The following WWOX variants were observed in gnomAD, a reference collection of about 807,000 sequenced individuals.
The protein encoded by WWOX is WW domain-containing oxidoreductase.
In WWOX, 69 loss-of-function variants were observed where a neutral mutation model predicts 46.2. The ratio of observed to expected loss-of-function variants is 1.49; its 90% CI spans 1.23 to 1.82. The LOEUF (loss-of-function observed/expected upper bound fraction) is 1.82, where lower values mean the gene tolerates loss of function less well. WWOX is among the 40% of genes most tolerant of loss of function. The pLI, the probability that WWOX is intolerant of heterozygous loss-of-function variation, is 0.00. For missense variants in WWOX, 919 were observed against 542.6 expected, an observed-to-expected ratio of 1.69 and a Z score of -6.89; for synonymous variants, 359 against 202.6, an observed-to-expected ratio of 1.77 and a Z score of -6.56.
At chr16:78,995,327 T>C (rs2046968606) in intron 8 of WWOX, among the ~76,000 whole-genome samples, 1 of 151,982 alleles carries the variant, frequency 6.6e-6, no homozygotes, top group South Asian at 2.1e-4. Flanking sequence ...TTCCCTCCCC[T>C]CTCCTGCCTA....
intron 6 of WWOX, among the ~76,000 whole-genome samples, chr16:78,417,766 T>A (rs756517900): frequency 1.2e-4 from 18 of 152,310 alleles, no homozygotes; most frequent in Non-Finnish European, 1.9e-4. Flanking sequence ...GATTTCTGCC[T>A]ATCTCTTCAC....
chr16:79,166,552 T>G (rs2050598479), intron 8 of WWOX, among the ~76,000 whole-genome samples: 1 of 152,184 alleles, frequency 6.6e-6, no homozygotes, highest in African/African-American at 2.4e-5. Flanking sequence ...AACAGCACAA[T>G]TGTTAGGTAG....
rs116695259 is a variant in WWOX at position 78,109,448 on chromosome 16, G to C, written c.173-330G>C. ...ATGAGGTCAGCGTATGAATGACGTT[G>C]GGTGCCTGCCCTGCATATACATATG... On this transcript the variant is annotated intron_variant, in intron 2 of 8. Transcript: ENST00000566780. Among the ~76,000 whole-genome samples the C allele has an allele frequency of 3.1e-3, 475 of 152,310 alleles. 5 individuals are homozygous for C. Among genetic ancestry groups the C allele is most frequent in the African/African-American group, 0.011 (441 of 41,564 alleles).
At position 78,130,167 on chromosome 16, in the gene WWOX, C is replaced by G. The variant is rs1238901571; in HGVS notation, c.409+15013C>G. On this transcript the variant is annotated intron_variant, in intron 4 of 8. Transcript: ENST00000566780. ...AACTGTGAGTCAATTAAACCTCTTT[C>G]CTTTATAAATTTCCCAGTCTTCGAT... 4 of 152,204 alleles carry G rather than the reference C, an allele frequency of 2.6e-5. No homozygotes were observed. The East Asian group carries it at 5.8e-4, about 22-fold the overall frequency. The allele number at this position is 152,204 out of a possible 1,614,324, so 9.4% of individuals were successfully genotyped here.
intron 8 of WWOX, among the ~76,000 whole-genome samples, chr16:78,708,330 G>A (rs368468435): frequency 6.6e-5 from 10 of 152,290 alleles, no homozygotes; most frequent in African/African-American, 2.4e-4. Context: ...TCTAAGAAAT[G>A]ATTTGTTGTT....
intron 8 of WWOX, among the ~76,000 whole-genome samples, chr16:78,754,074 T>C (rs1231514693): frequency 1.3e-5 from 2 of 151,778 alleles, no homozygotes; most frequent in South Asian, 2.1e-4. Flanking sequence ...GCTTATCCCA[T>C]TGGGCATTGC....
At chr16:78,148,385 C>G (rs151200753) in intron 4 of WWOX, among the ~76,000 whole-genome samples, 1 of 151,966 alleles carries the variant, frequency 6.6e-6, no homozygotes, top group South Asian at 2.1e-4. Context: ...CCAGACAGCA[C>G]GTGTAGGGGG....
intron 8 of WWOX, among the ~76,000 whole-genome samples, chr16:79,039,200 G>T (rs528206497): frequency 6.6e-6 from 1 of 152,250 alleles, no homozygotes; most frequent in South Asian, 2.1e-4. Flanking sequence ...CCAGGACTTT[G>T]CGTTGCAGTT....
At chr16:78,911,353 C>A (rs935131657) in intron 8 of WWOX, among the ~76,000 whole-genome samples, 1 of 152,140 alleles carries the variant, frequency 6.6e-6, no homozygotes, top group Middle Eastern at 3.4e-3. Flanking sequence ...GTAAACTGTA[C>A]CCTCCTGCTG....
chr16:78,917,968 G>C (rs558047982), intron 8 of WWOX, among the ~76,000 whole-genome samples: 74 of 152,302 alleles, frequency 4.9e-4, no homozygotes, highest in African/African-American at 1.8e-3. Context: ...TTGGGAAGTT[G>C]AGGCAGGAGG....
rs11545029 is a variant in WWOX, at chr16:78,386,878, G to A, written c.535G>A (p.Ala179Thr). 859,431 of 1,613,106 alleles carry A rather than the reference G, an allele frequency of 0.53. 246,241 individuals are homozygous for A. The highest frequency in any genetic ancestry group is 0.6 in the Non-Finnish European group (708,297 of 1,179,316). The change falls in exon 6 of 9, where the codon GCA becomes ACA. Residue 179 changes from alanine (A) to threonine (T), a missense_variant. Coordinates refer to ENST00000566780, the MANE Select transcript of WWOX (RefSeq NM_016373.4). ...LEEWHKAKVE[A>T]MTLDLALLRS... The stretch of plus-strand genomic sequence containing the variant: ...ATTGCAGCATAAAGCCAAGGTAGAA[G>A]CAATGACCCTGGACCTCGCTCTGCT...
rs185139783 is a variant in WWOX, at chr16:78,995,933, C to T, written c.1057-215675C>T. ...TTGCGTTTATACCTCTGTGACAGTT[C>T]GATTAATTTATTAATGAGATTGCTG... On this transcript the variant is annotated intron_variant, in intron 8 of 8. Transcript: ENST00000566780. Among the ~76,000 whole-genome samples, 35 of 152,104 alleles carry T rather than the reference C, an allele frequency of 2.3e-4. No homozygotes were observed. In the East Asian group the frequency reaches 6.4e-3, roughly 28 times the overall value.
At chr16:78,784,877 C>T (rs931276901) in intron 8 of WWOX, among the ~76,000 whole-genome samples, 19 of 152,092 alleles carry the variant, frequency 1.2e-4, no homozygotes, top group African/African-American at 3.4e-4. Flanking sequence ...TGGTGTCCAG[C>T]GAATGCCTCT....
chr16:78,101,801 A>G (rs2031811195), intron 1 of WWOX, among the ~76,000 whole-genome samples: 1 of 152,212 alleles, frequency 6.6e-6, no homozygotes, highest in Non-Finnish European at 1.5e-5. Flanking sequence ...GTATTATGTG[A>G]CAGGCCTTTG....
chr16:78,433,766 T>A (rs992907225), intron 8 of WWOX, among the ~76,000 whole-genome samples: 3 of 150,532 alleles, frequency 2.0e-5, no homozygotes, highest in African/African-American at 2.5e-5. Flanking sequence ...AACCTTCGTA[T>A]TTGGGGATGA....
rs1446793865 is a variant in WWOX at position 79,085,132 on chromosome 16, A to G, written c.1057-126476A>G. ...ATATATATATACAATATACATATGT[A>G]AATATATCTGCATATACATGTTTAG... On this transcript the variant is annotated intron_variant, in intron 8 of 8. Transcript: ENST00000566780. 2.6e-5 allele frequency among the ~76,000 whole-genome samples: 4 copies of G among 152,208 alleles called. No individual in the cohort carries two copies. The East Asian group carries it at 5.8e-4, about 22-fold the overall frequency.
intron 8 of WWOX, among the ~76,000 whole-genome samples, chr16:78,895,026 C>T (rs926646461): frequency 6.6e-6 from 1 of 152,150 alleles, no homozygotes; most frequent in South Asian, 2.1e-4. Context: ...CACCGGTTTA[C>T]GAGAACTCTA....
intron 8 of WWOX, among the ~76,000 whole-genome samples, chr16:78,902,724 T>C (rs2044861242): frequency 6.6e-6 from 1 of 152,238 alleles, no homozygotes; most frequent in East Asian, 1.9e-4. Flanking sequence ...AGGCCAGGTC[T>C]TTTGTTGGTG....
chr16:78,262,350 C>G lies in WWOX; in HGVS notation c.516+98061C>G, dbSNP rs192595833. Among the ~76,000 whole-genome samples, 5 of 152,240 alleles carry G rather than the reference C, an allele frequency of 3.3e-5. No homozygotes were observed. In the East Asian group the frequency reaches 7.8e-4, roughly 24 times the overall value. ...AAAGTATTCTGCTATTCTGATCTTC[C>G]TGTTAGAAGATCAGATTTACAGAAG... On this transcript the variant is annotated intron_variant, in intron 5 of 8. Coordinates refer to ENST00000566780, the MANE Select transcript of WWOX (RefSeq NM_016373.4).
Sources: allele counts gnomAD v4.1 joint callset (sites outside exome capture counted in the v4.1 genomes callset), GRCh38; gene constraint gnomAD v4.1.1; transcripts MANE v1.5; gene names NCBI Gene and HGNC (gene_info 2026-07-23, HGNC 2026-07-21).